HDGFL3: variants seen among roughly 807,000 people sequenced by gnomAD.
HDGFL3 encodes HDGF like 3.
A neutral mutation model predicts 27.6 loss-of-function variants in HDGFL3; 6 were observed. The observed-to-expected ratio is 0.22, with a 90% CI of 0.12 to 0.43. The LOEUF (loss-of-function observed/expected upper bound fraction) is 0.43. Ranked by LOEUF, HDGFL3 falls within the 20% of genes least tolerant of loss-of-function variation. The pLI, the probability that HDGFL3 is intolerant of heterozygous loss-of-function variation, is 1.00. For synonymous variants in HDGFL3, 88 were observed against 88.9 expected (o/e 0.99, Z 0.05); for missense variants, 207 against 250.1 (o/e 0.83, Z 1.16).
At chr15:83,176,941 A>C (rs919976571) in intron 1 of HDGFL3, among the ~76,000 whole-genome samples, 1 of 62,438 alleles carries the variant, frequency 1.6e-5, no homozygotes, top group Non-Finnish European at 3.0e-5. Flanking sequence ...TAAAAACCCC[A>C]GAGTCTTGCT....
chr15:83,171,524 TGTG>T (rs989969228), intron 1 of HDGFL3, among the ~76,000 whole-genome samples: 4 of 152,310 alleles, frequency 2.6e-5, no homozygotes, highest in Non-Finnish European at 5.9e-5. Flanking sequence ...ATAAATAAAA[TGTG>T]GTACATATAC....
At chr15:83,169,658 G>A (rs1450375586) in intron 1 of HDGFL3, among the ~76,000 whole-genome samples, 1 of 151,672 alleles carries the variant, frequency 6.6e-6, no homozygotes, top group Non-Finnish European at 1.5e-5. Context: ...AAAATTAGCT[G>A]GGAGTGGTGG....
intron 5 of HDGFL3, among the ~76,000 whole-genome samples, chr15:83,146,840 G>A (rs1299697293): frequency 6.6e-6 from 1 of 152,028 alleles, no homozygotes; most frequent in Non-Finnish European, 1.5e-5. Context: ...TGACTATTTT[G>A]TACCTTTTTC....
chr15:83,115,975 A>G, intron 3 of HDGFL3: 4 of 1,525,460 alleles, frequency 2.6e-6, no homozygotes, highest in East Asian at 2.2e-5. Flanking sequence ...TGAGGTTTCA[A>G]CCAAAAGGCC....
Position 83,131,331 on chromosome 15 carries a change from GAA to G in HDGFL3, c.*7937_*7938del, listed in dbSNP as rs2036230959. The G allele has an allele frequency of 1.3e-5, 2 of 151,986 alleles. No homozygotes were observed. Among genetic ancestry groups the G allele is most frequent in the Admixed American group, 1.3e-4 (2 of 15,242 alleles). The allele number at this position is 151,986 out of a possible 1,614,324, so 9.4% of individuals were successfully genotyped here. On this transcript the variant is annotated 3_prime_UTR_variant, in exon 6 of 6. Transcript: ENST00000299633. ...AGTTCTAGATCAGTATAGGCCAATG[GAA>G]GAAATATTGAGTAGTGGCCAGGCGC...
Position 83,187,659 on chromosome 15 carries a change from C to T in HDGFL3, c.84+19672G>A, listed in dbSNP as rs536645066. 6.6e-5 allele frequency among the ~76,000 whole-genome samples: 10 copies of T among 152,162 alleles called. No homozygotes were observed. The South Asian group carries it at 1.2e-3, about 19-fold the overall frequency. On this transcript the variant is annotated intron_variant, in intron 1 of 5. Coordinates refer to ENST00000299633, the MANE Select transcript of HDGFL3 (RefSeq NM_016073.4). ...ATCCCAGCACTTTGGGAGGCTGAGG[C>T]GGGCGGATCACCTAAGGTCCGGAGT...
intron 5 of HDGFL3, among the ~76,000 whole-genome samples, chr15:83,147,864 A>G (rs547254921): frequency 6.6e-6 from 1 of 152,218 alleles, no homozygotes; most frequent in Non-Finnish European, 1.5e-5. Context: ...CTTGGAGAGG[A>G]TATCTGCAAG....
At chr15:83,202,035 C>T (rs1405927910) in intron 1 of HDGFL3, among the ~76,000 whole-genome samples, 2 of 152,076 alleles carry the variant, frequency 1.3e-5, no homozygotes, top group Non-Finnish European at 2.9e-5. Flanking sequence ...AATAATGTGG[C>T]CTGGTCTCCA....
intron 1 of HDGFL3, chr15:83,192,116 T>C (rs985944210): frequency 6.8e-6 from 2 of 292,850 alleles, no homozygotes; most frequent in Non-Finnish European, 1.3e-5. Flanking sequence ...TAATTTTTTG[T>C]ATTTTTGTAG....
At chr15:83,113,984 T>C (rs944408480) in exon 4 of HDGFL3, 1 of 152,228 alleles carries the variant, frequency 6.6e-6, no homozygotes, top group African/African-American at 2.4e-5. Flanking sequence ...AATCCACATA[T>C]AAGAAGCTCT....
At chr15:83,174,424 G>A (rs147477091) in intron 1 of HDGFL3, among the ~76,000 whole-genome samples, 6 of 151,082 alleles carry the variant, frequency 4.0e-5, no homozygotes, top group African/African-American at 1.5e-4. Flanking sequence ...ATGTCTCCTT[G>A]TTCCCAGGAT....
At chr15:83,147,384 A>G (rs2036911678) in intron 5 of HDGFL3, among the ~76,000 whole-genome samples, 1 of 151,956 alleles carries the variant, frequency 6.6e-6, no homozygotes, top group Non-Finnish European at 1.5e-5. Flanking sequence ...TCTAAAGGAC[A>G]CTGCTTCAGC....
intron 5 of HDGFL3, among the ~76,000 whole-genome samples, chr15:83,145,105 TAAC>T (rs1337579949): frequency 9.9e-5 from 15 of 151,986 alleles, no homozygotes; most frequent in Non-Finnish European, 1.8e-4. Flanking sequence ...TTCTTTCCCT[TAAC>T]AATATGCATA....
At chr15:83,156,074 G>A (rs930235467) in intron 4 of HDGFL3, among the ~76,000 whole-genome samples, 4 of 152,210 alleles carry the variant, frequency 2.6e-5, no homozygotes, top group African/African-American at 4.8e-5. Flanking sequence ...TGGCCTACAA[G>A]TCTGCATAAT....
At chr15:83,126,308 T>A (rs1281492116), downstream of HDGFL3, among the ~76,000 whole-genome samples, 1 of 152,162 alleles carries the variant, frequency 6.6e-6, no homozygotes, top group East Asian at 1.9e-4. Context: ...TTTTACTGCC[T>A]CCAAAGGCCA....
chr15:83,151,067 A>G (rs2036958023), intron 5 of HDGFL3, 148 bp downstream of exon 5: 1 of 630,050 alleles, frequency 1.6e-6, no homozygotes, highest in Non-Finnish European at 2.6e-6. Flanking sequence ...ATTTGATTAT[A>G]TTAAAGGGCT....
chr15:83,198,651 T>C (rs183793469), intron 1 of HDGFL3, among the ~76,000 whole-genome samples: 5 of 152,214 alleles, frequency 3.3e-5, no homozygotes, highest in Non-Finnish European at 7.4e-5. Context: ...CAGCTTCTGG[T>C]AAGGGCCACG....
chr15:83,189,217 A>C (rs1026048566), intron 1 of HDGFL3: 2 of 151,642 alleles, frequency 1.3e-5, no homozygotes, highest in Admixed American at 1.3e-4. Context: ...TGCCCCCAAC[A>C]ATCAATTCTT....
At chr15:83,155,435 G>A (rs952701974) in intron 4 of HDGFL3, among the ~76,000 whole-genome samples, 1 of 152,190 alleles carries the variant, frequency 6.6e-6, no homozygotes, top group African/African-American at 2.4e-5. Context: ...AACACATTAG[G>A]TGGAAGCTCA....
Sources: allele counts gnomAD v4.1 joint callset (sites outside exome capture counted in the v4.1 genomes callset), GRCh38; gene constraint gnomAD v4.1.1; transcripts MANE v1.5; gene names NCBI Gene and HGNC (gene_info 2026-07-23, HGNC 2026-07-21).